Variants in TENM3 observed in about 807,000 individuals in gnomAD.
TENM3 encodes the protein teneurin transmembrane protein 3, also known as teneurin-3.
Under a neutral mutation model 255.1 loss-of-function variants are expected in TENM3, and 63 were observed. That is an observed-to-expected ratio of 0.25 (90% CI 0.20 to 0.30). The LOEUF (loss-of-function observed/expected upper bound fraction) is 0.30, where lower values mean the gene tolerates loss of function less well. Among genes scored for constraint, TENM3 ranks in the 10% least tolerant of loss-of-function variants. TENM3 has a pLI of 1.00. For synonymous variants in TENM3, 1,306 were observed against 1,322.3 expected (o/e 0.99, Z 0.27); for missense variants, 2,929 against 3,461.1 (o/e 0.85, Z 3.86).
intron 7 of TENM3, among the ~76,000 whole-genome samples, chr4:182,673,878 C>T (rs1210805532): frequency 6.6e-6 from 1 of 152,184 alleles, no homozygotes; most frequent in Non-Finnish European, 1.5e-5. Flanking sequence ...CAACAGCAAT[C>T]ACAGATGGAG....
At chr4:181,699,440 C>T in the TENM3 span, among the ~76,000 whole-genome samples, 9 of 15,486 alleles carry the variant, frequency 5.8e-4, no homozygotes, top group African/African-American at 1.2e-3. Flanking sequence ...CAGACCCTGT[C>T]GCAAAAAAAA....
At chr4:181,873,964 T>C in the TENM3 span, among the ~76,000 whole-genome samples, 2 of 152,230 alleles carry the variant, frequency 1.3e-5, no homozygotes, top group South Asian at 4.1e-4. Flanking sequence ...TTTGTATTTT[T>C]AATAGAGACA....
chr4:182,720,430 G>C (rs980298164), intron 13 of TENM3, among the ~76,000 whole-genome samples: 1 of 152,148 alleles, frequency 6.6e-6, no homozygotes, highest in East Asian at 1.9e-4. Flanking sequence ...ATCAGACATA[G>C]AGTGGTGCTT....
At chr4:181,749,569 C>CT in the TENM3 span, among the ~76,000 whole-genome samples, 2 of 152,162 alleles carry the variant, frequency 1.3e-5, no homozygotes, top group Non-Finnish European at 2.9e-5. Flanking sequence ...TCTCTCTCTG[C>CT]TTTTCATCTG....
chr4:181,878,397 G>A, the TENM3 span, among the ~76,000 whole-genome samples: 1 of 152,060 alleles, frequency 6.6e-6, no homozygotes, highest in East Asian at 1.9e-4. Flanking sequence ...GTACATCAAG[G>A]ATAGTCTGGT....
chr4:182,540,418 C>T (rs868714065), intron 3 of TENM3, among the ~76,000 whole-genome samples: 4 of 151,972 alleles, frequency 2.6e-5, no homozygotes, highest in African/African-American at 4.8e-5. Flanking sequence ...GGAGAAACCC[C>T]GTCTCTACTA....
the TENM3 span, among the ~76,000 whole-genome samples, chr4:181,940,285 T>A: frequency 6.6e-6 from 1 of 152,336 alleles, no homozygotes; most frequent in South Asian, 2.1e-4. Flanking sequence ...CTTAGGAAAT[T>A]TCAGCTTGCT....
Position 182,685,718 on chromosome 4 carries a change from G to A in TENM3, c.2036-2448G>A, listed in dbSNP as rs1421185868. 2.0e-5 allele frequency among the ~76,000 whole-genome samples: 3 copies of A among 152,130 alleles called. No homozygotes were observed. The South Asian group carries it at 6.2e-4, about 32-fold the overall frequency. On this transcript the variant is annotated intron_variant, in intron 11 of 27. Transcript: ENST00000511685. ...TAAAACAGGCATATTAAGACTAGCT[G>A]TAGAATAATACTTGCTTGAAATACT...
chr4:182,185,537 T>G (rs1419372871), intron 1 of TENM3, among the ~76,000 whole-genome samples: 1 of 152,216 alleles, frequency 6.6e-6, no homozygotes, highest in African/African-American at 2.4e-5. Context: ...AAAGGCCTTT[T>G]AGTCATTGCA....
the TENM3 span, among the ~76,000 whole-genome samples, chr4:181,900,437 A>C: frequency 6.6e-6 from 1 of 152,222 alleles, no homozygotes; most frequent in Non-Finnish European, 1.5e-5. Context: ...CACATATCAT[A>C]TATAAATATG....
Position 182,340,257 on chromosome 4 carries a change from T to C in TENM3, c.233-6394T>C, listed in dbSNP as rs141823755. On this transcript the variant is annotated intron_variant, in intron 2 of 27. Coordinates refer to ENST00000511685, the MANE Select transcript of TENM3 (RefSeq NM_001080477.4). ...CTTAGTGCCCAGCCTGGAATTTCCA[T>C]TGAAAGCTACATTTGTGATGATTGC... Among the ~76,000 whole-genome samples, 385 of 152,298 alleles carry C rather than the reference T, an allele frequency of 2.5e-3. 1 individual carries two copies. Among genetic ancestry groups the C allele is most frequent in the African/African-American group, 8.7e-3 (363 of 41,582 alleles).
At position 182,730,905 on chromosome 4, in the gene TENM3, C is replaced by T. The variant is rs1760643109; in HGVS notation, c.2733C>T (p.Ala911=). ...TTGACTTGGTGGCAAATGGTGGGGC[C>T]TCTCTAACTTTGGTATTTGAACGAT... ...GMFDLVANGG[A]SLTLVFERSP... Residue 911 remains alanine, a synonymous_variant, in exon 16 of 28, where the codon GCC becomes GCT. Coordinates refer to ENST00000511685, the MANE Select transcript of TENM3 (RefSeq NM_001080477.4). The T allele has an allele frequency of 6.2e-7, 1 of 1,613,878 alleles. No homozygotes were observed. The highest frequency in any genetic ancestry group is 2.2e-5 in the East Asian group (1 of 44,862).
chr4:182,077,399 A>G, the TENM3 span, among the ~76,000 whole-genome samples: 1 of 152,212 alleles, frequency 6.6e-6, no homozygotes, highest in African/African-American at 2.4e-5. Flanking sequence ...GATGATATGT[A>G]GCACAAACAT....
the TENM3 span, among the ~76,000 whole-genome samples, chr4:181,904,418 C>A: frequency 6.6e-6 from 1 of 152,090 alleles, no homozygotes; most frequent in African/African-American, 2.4e-5. Flanking sequence ...TGATCATTAT[C>A]CACTGTATGC....
chr4:181,562,832 GC>G, the TENM3 span, among the ~76,000 whole-genome samples: 1 of 152,140 alleles, frequency 6.6e-6, no homozygotes, highest in African/African-American at 2.4e-5. Flanking sequence ...CCATCACCAT[GC>G]CTGGCTAATT....
the TENM3 span, among the ~76,000 whole-genome samples, chr4:181,540,304 A>G: frequency 6.6e-6 from 1 of 152,216 alleles, no homozygotes; most frequent in Non-Finnish European, 1.5e-5. Flanking sequence ...TGATATAAGC[A>G]CATAATTCAA....
the TENM3 span, among the ~76,000 whole-genome samples, chr4:181,765,769 C>G: frequency 3.2e-4 from 49 of 152,246 alleles, no homozygotes; most frequent in South Asian, 0.01. Flanking sequence ...CACCAAAATG[C>G]AGTACAGCTG....
chr4:182,614,661 T>C (rs1335442221), intron 4 of TENM3, among the ~76,000 whole-genome samples: 1 of 152,134 alleles, frequency 6.6e-6, no homozygotes, highest in Non-Finnish European at 1.5e-5. Flanking sequence ...AAAAAACTAG[T>C]CCTCCTAGTA....
chr4:181,665,353 T>A, the TENM3 span, among the ~76,000 whole-genome samples: 3 of 152,182 alleles, frequency 2.0e-5, no homozygotes, highest in Non-Finnish European at 4.4e-5. Context: ...GAAAACTAAG[T>A]CTTCCTCTCT....
Sources: allele counts gnomAD v4.1 joint callset (sites outside exome capture counted in the v4.1 genomes callset), GRCh38; gene constraint gnomAD v4.1.1; transcripts MANE v1.5; gene names NCBI Gene and HGNC (gene_info 2026-07-23, HGNC 2026-07-21).